FLT1: variants seen among roughly 807,000 people sequenced by gnomAD.
The protein encoded by FLT1 is fms related receptor tyrosine kinase 1.
Under a neutral mutation model 156.3 loss-of-function variants are expected in FLT1, and 49 were observed. That is an observed-to-expected ratio of 0.31 (90% CI 0.25 to 0.40). The LOEUF (loss-of-function observed/expected upper bound fraction) is 0.40, where lower values mean the gene tolerates loss of function less well. FLT1 is among the 10% of genes least tolerant of loss of function. FLT1 has a pLI of 1.00. For synonymous variants in FLT1, 594 were observed against 583.8 expected (o/e 1.02, Z -0.25); for missense variants, 1,322 against 1,637.2 (o/e 0.81, Z 3.32).
intron 14 of FLT1, among the ~76,000 whole-genome samples, chr13:28,376,223 T>C (rs1873834083): frequency 6.6e-6 from 1 of 152,170 alleles, no homozygotes; most frequent in Non-Finnish European, 1.5e-5. Context: ...CCTCTAACAG[T>C]TAGATAAACA....
chr13:28,340,365 A>T (rs1422724231), intron 16 of FLT1, among the ~76,000 whole-genome samples: 1 of 152,220 alleles, frequency 6.6e-6, no homozygotes, highest in Non-Finnish European at 1.5e-5. Context: ...TTATCTTGGT[A>T]ATGCAAATCA....
At chr13:28,471,046 C>T (rs572618534) in intron 1 of FLT1, among the ~76,000 whole-genome samples, 1 of 152,174 alleles carries the variant, frequency 6.6e-6, no homozygotes, top group Non-Finnish European at 1.5e-5. Flanking sequence ...TTGTTCGTGT[C>T]CACACTCCCC....
At position 28,319,484 on chromosome 13, in the gene FLT1, G is replaced by T. The variant is rs752304404; in HGVS notation, c.3225C>A (p.Ile1075=). 64 of 1,613,930 alleles carry T rather than the reference G, an allele frequency of 4.0e-5. No individual in the cohort carries two copies. Among genetic ancestry groups the T allele is most frequent in the Non-Finnish European group, 5.3e-5 (63 of 1,179,942 alleles). Reference sequence around the variant, plus strand: ...ACCACACGTCGCTCTTGGTGCTGTAGATTTTGTCAAAGATAGATTCAGGAG... The same window carrying T: ...ACCACACGTCGCTCTTGGTGCTGTATATTTTGTCAAAGATAGATTCAGGAG... ...WMAPESIFDK[I]YSTKSDVWSY... The change falls in exon 24 of 30, where the codon ATC becomes ATA. Residue 1075 remains isoleucine (I), a synonymous_variant. Coordinates refer to ENST00000282397, the MANE Select transcript of FLT1 (RefSeq NM_002019.4).
intron 10 of FLT1, among the ~76,000 whole-genome samples, chr13:28,413,915 A>T (rs1042652404): frequency 2.0e-5 from 3 of 152,258 alleles, no homozygotes; most frequent in African/African-American, 7.2e-5. Flanking sequence ...GATGTCAAAA[A>T]CCTGACTTTG....
In FLT1 at chr13:28,494,870, C is replaced by T. The variant is rs1195274045; in HGVS notation, c.-27G>A. ...GTGAGCGCGACGCGGCCTGCTCGCC[C>T]GGTGCCCGCGCTCCCCGCGGCCAAC... On this transcript the variant is annotated 5_prime_UTR_variant, in exon 1 of 30. Coordinates refer to ENST00000282397, the MANE Select transcript of FLT1 (RefSeq NM_002019.4). 2.0e-6 allele frequency: 3 copies of T among 1,516,828 alleles called. No homozygotes were observed. Among genetic ancestry groups the T allele is most frequent in the Non-Finnish European group, 2.6e-6 (3 of 1,136,556 alleles). 94.0% of individuals were successfully genotyped at this position (1,516,828 alleles called of 1,614,324 possible).
rs182801284 is a variant in FLT1, at chr13:28,351,569, C to T, written c.2248+5985G>A. On this transcript the variant is annotated intron_variant, in intron 15 of 29. Coordinates refer to ENST00000282397, the MANE Select transcript of FLT1 (RefSeq NM_002019.4). ...TAGGCCTGCAGACCTTTATTACTGT[C>T]GATGAAGTTTTTTAGGAATCTATGT... Among the ~76,000 whole-genome samples the T allele has an allele frequency of 3.7e-3, 564 of 152,214 alleles. 6 individuals carry two copies. The highest frequency in any genetic ancestry group is 0.017 in the South Asian group (81 of 4,824).
At chr13:28,318,802 G>C (rs1317960930) in intron 24 of FLT1, among the ~76,000 whole-genome samples, 1 of 152,232 alleles carries the variant, frequency 6.6e-6, no homozygotes, top group Non-Finnish European at 1.5e-5. Flanking sequence ...GTGTCTGCAA[G>C]CAGATGTGGG....
chr13:28,412,226 A>G (rs1324812824), intron 10 of FLT1, among the ~76,000 whole-genome samples: 2 of 152,308 alleles, frequency 1.3e-5, no homozygotes, highest in Middle Eastern at 3.4e-3. Flanking sequence ...GTGTCAAAAC[A>G]TTAGCGATTG....
intron 14 of FLT1, among the ~76,000 whole-genome samples, chr13:28,359,944 C>G (rs1483869774): frequency 2.0e-5 from 3 of 152,174 alleles, no homozygotes; most frequent in Non-Finnish European, 4.4e-5. Flanking sequence ...AACCCAGTCT[C>G]TACTAAAAAT....
chr13:28,308,063 C>A (rs994356161), intron 28 of FLT1, among the ~76,000 whole-genome samples: 1 of 152,190 alleles, frequency 6.6e-6, no homozygotes, highest in Admixed American at 6.5e-5. Flanking sequence ...TGAGCCACTG[C>A]GCCCGGCCTC....
At chr13:28,338,381 G>C (rs577645184) in intron 17 of FLT1, among the ~76,000 whole-genome samples, 1 of 152,046 alleles carries the variant, frequency 6.6e-6, no homozygotes, top group East Asian at 1.9e-4. Context: ...AAAACTTTCA[G>C]AAGCCACAAT....
At chr13:28,359,129 G>A (rs1305177308) in intron 14 of FLT1, among the ~76,000 whole-genome samples, 2 of 152,092 alleles carry the variant, frequency 1.3e-5, no homozygotes, top group African/African-American at 4.8e-5. Context: ...CTTAAAAAAA[G>A]AAAATGTAAT....
chr13:28,458,261 C>T (rs1879378731), intron 3 of FLT1, among the ~76,000 whole-genome samples: 1 of 152,148 alleles, frequency 6.6e-6, no homozygotes, highest in Non-Finnish European at 1.5e-5. Context: ...CAGTCATCAA[C>T]TTTTCAAAGC....
At chr13:28,384,014 T>C (rs1028543152) in intron 14 of FLT1, among the ~76,000 whole-genome samples, 3 of 152,226 alleles carry the variant, frequency 2.0e-5, no homozygotes, top group Non-Finnish European at 4.4e-5. Flanking sequence ...GCACTATATG[T>C]ATTGTTGAAA....
rs78480643 is a variant in FLT1, at chr13:28,414,294, A to G, written c.1437-8400T>C. On this transcript the variant is annotated intron_variant, in intron 10 of 29. Coordinates refer to ENST00000282397, the MANE Select transcript of FLT1 (RefSeq NM_002019.4). ...TAAAGCCTGTGGGCCGTAACTCCAT[A>G]CTAGTCTTACACATTTTTTGACTTC... 5.9e-3 allele frequency among the ~76,000 whole-genome samples: 906 copies of G among 152,336 alleles called. 11 individuals are homozygous for G. Among genetic ancestry groups the G allele is most frequent in the African/African-American group, 0.02 (837 of 41,578 alleles).
At chr13:28,454,660 C>T (rs150676514) in intron 3 of FLT1, among the ~76,000 whole-genome samples, 1 of 151,752 alleles carries the variant, frequency 6.6e-6, no homozygotes, top group African/African-American at 2.4e-5. Flanking sequence ...TGCAATAAGA[C>T]AAGAAAGGGA....
intron 1 of FLT1, among the ~76,000 whole-genome samples, chr13:28,488,138 C>T (rs1881269143): frequency 6.6e-6 from 1 of 152,052 alleles, no homozygotes; most frequent in Non-Finnish European, 1.5e-5. Flanking sequence ...TGGCTTACGC[C>T]TGTAATCTCA....
At position 28,303,497 on chromosome 13, in the gene FLT1, C is replaced by T. The variant is rs61763572; in HGVS notation, c.3816-129G>A. ...CTAGAGTTCATGGTTTTGGAACCCC[C>T]CCCCCCTCAATTGCTGTCAGATTTC... On this transcript the variant is annotated intron_variant, in intron 29 of 29. Transcript: ENST00000282397. The T allele has an allele frequency of 3.8e-6, 3 of 797,178 alleles. No individual in the cohort carries two copies. The East Asian group carries it at 8.0e-5, about 21-fold the overall frequency. The allele number at this position is 797,178 out of a possible 1,614,324, so 49.4% of individuals were successfully genotyped here.
chr13:28,411,460 C>T (rs568027889), intron 10 of FLT1, among the ~76,000 whole-genome samples: 24 of 147,712 alleles, frequency 1.6e-4, no homozygotes, highest in South Asian at 4.3e-4. Flanking sequence ...GCAGGAGAAT[C>T]GCTTGAACCT....
Sources: allele counts gnomAD v4.1 joint callset (sites outside exome capture counted in the v4.1 genomes callset), GRCh38; gene constraint gnomAD v4.1.1; transcripts MANE v1.5; gene names NCBI Gene and HGNC (gene_info 2026-07-23, HGNC 2026-07-21).